The following B3GAT1 variants were observed in gnomAD, a reference collection of about 807,000 sequenced individuals.
The protein encoded by B3GAT1 is beta-1,3-glucuronyltransferase 1.
A neutral mutation model predicts 28.4 loss-of-function variants in B3GAT1; 11 were observed. That is an observed-to-expected ratio of 0.39 (90% CI 0.24 to 0.64). The LOEUF is 0.64. Among genes scored for constraint, B3GAT1 ranks in the 30% least tolerant of loss-of-function variants. B3GAT1 has a pLI of 0.50. For missense variants in B3GAT1, 375 were observed against 491.0 expected, an observed-to-expected ratio of 0.76 and a Z score of 2.23; for synonymous variants, 255 against 223.1, an observed-to-expected ratio of 1.14 and a Z score of -1.27.
intron 1 of B3GAT1, among the ~76,000 whole-genome samples, chr11:134,395,528 A>C (rs1944488532): frequency 6.6e-6 from 1 of 152,070 alleles, no homozygotes; most frequent in Non-Finnish European, 1.5e-5. Flanking sequence ...TGCCTGCGTG[A>C]TAGGGATTAC....
intron 1 of B3GAT1, chr11:134,409,642 G>A (rs1383429001): frequency 2.0e-5 from 3 of 152,358 alleles, no homozygotes; most frequent in African/African-American, 7.2e-5. Flanking sequence ...GCCTCCTGCA[G>A]GGGTGGACAA....
chr11:134,401,767 T>C (rs917431719), intron 1 of B3GAT1, among the ~76,000 whole-genome samples: 6 of 152,002 alleles, frequency 3.9e-5, no homozygotes, highest in African/African-American at 1.5e-4. Context: ...AAAGTAAAAC[T>C]CAGCTGAATC....
In B3GAT1 at chr11:134,378,920, G is replaced by A. The variant is rs1304191440; in HGVS notation, c.*1842C>T. 2.0e-5 allele frequency: 3 copies of A among 152,208 alleles called. No individual in the cohort carries two copies. Among genetic ancestry groups the A allele is most frequent in the African/African-American group, 7.2e-5 (3 of 41,450 alleles). 9.4% of individuals were successfully genotyped at this position (152,208 alleles called of 1,614,324 possible). A position where few individuals can be genotyped will look rare whatever the true frequency, so the allele number is the denominator to read the frequency against. ...TGAACCCTAGGTTTTTGGCTAAGAA[G>A]GTGGCCTCAGACCAGCCAAGCTGAC... is the stretch of plus-strand genomic sequence containing the variant. On this transcript the variant is annotated 3_prime_UTR_variant, in exon 6 of 6. Transcript: ENST00000312527.
At chr11:134,387,141 T>TA in intron 2 of B3GAT1, 3 of 187,264 alleles carry the variant, frequency 1.6e-5, no homozygotes, top group South Asian at 1.3e-4. Context: ...TGCTTCGCCC[T>TA]TCCCTTCCTA....
chr11:134,382,905 C>T lies in B3GAT1; in HGVS notation c.723G>A (p.Trp241Ter). The change falls in exon 4 of 6, where the codon TGG becomes TGA. Residue 241 changes from tryptophan to a stop codon, truncating the protein, a stop_gained. Coordinates refer to ENST00000312527, the MANE Select transcript of B3GAT1 (RefSeq NM_054025.3). LOFTEE classifies it high-confidence loss of function. ...GCCGGTGGGGGTCAAACACCGTCTTCCAGCCGACCACCTTCCCTGCCCCGT... is the reference window on the plus strand; with the variant it reads ...GCCGGTGGGGGTCAAACACCGTCTTTCAGCCGACCACCTTCCCTGCCCCGT... ...RVNGAGKVVG[W>*]KTVFDPHRPF... The T allele has an allele frequency of 6.2e-7, 1 of 1,613,594 alleles. No individual in the cohort carries two copies. The highest frequency in any genetic ancestry group is 8.5e-7 in the Non-Finnish European group (1 of 1,179,790).
At position 134,382,700 on chromosome 11, in the gene B3GAT1, A is replaced by AG. The variant is rs772820151; in HGVS notation, c.918+9dup. The AG allele has an allele frequency of 1.5e-5, 24 of 1,607,766 alleles. No individual in the cohort carries two copies. Among genetic ancestry groups the AG allele is most frequent in the Non-Finnish European group, 2.0e-5 (23 of 1,175,210 alleles). ...TGCATCACAGCTGTCAGTTCTGCGGAGGGTCTCACCTTGGTGCAGTTGGCT... is the reference window on the plus strand; with the variant it reads ...TGCATCACAGCTGTCAGTTCTGCGGAGGGGTCTCACCTTGGTGCAGTTGGCT... On this transcript the variant is annotated intron_variant, in intron 4 of 5. Transcript: ENST00000312527.
At chr11:134,394,702 T>C (rs77478906) in intron 1 of B3GAT1, among the ~76,000 whole-genome samples, 19,054 of 152,292 alleles carry the variant, frequency 0.13, 1,275 homozygotes, top group Non-Finnish European at 0.14. Context: ...CGCTTGGGAC[T>C]GCTGATGGAA....
intron 3 of B3GAT1, 58 bp from the exon 4 acceptor site, chr11:134,383,064 G>A (rs995305132): frequency 2.9e-5 from 42 of 1,469,222 alleles, no homozygotes; most frequent in East Asian, 7.4e-5. Flanking sequence ...ACGGCCGCGC[G>A]TGCCCAAGGG....
chr11:134,387,527 A>G, intron 2 of B3GAT1, 21 bp downstream of exon 2: 2 of 1,612,438 alleles, frequency 1.2e-6, no homozygotes, highest in Non-Finnish European at 8.5e-7. Flanking sequence ...CTGGGCAGGC[A>G]GGGCATGCGT....
rs767171541 is a variant in B3GAT1 at position 134,383,693 on chromosome 11, T to G, written c.608A>C (p.Glu203Ala). The G allele has an allele frequency of 2.7e-5, 42 of 1,580,772 alleles. No homozygotes were observed. The highest frequency in any genetic ancestry group is 3.6e-5 in the Non-Finnish European group (42 of 1,158,826). ...GCCCTCCCTCACCTCTTCGAAGAGCTCCAGGCTGTAGGTGTTGTCGTCGTC... is the reference window on the plus strand; with the variant it reads ...GCCCTCCCTCACCTCTTCGAAGAGCGCCAGGCTGTAGGTGTTGTCGTCGTC... ...FADDDNTYSL[E>A]LFEEMRSTRR... Residue 203 changes from glutamate to alanine, a missense_variant, in exon 3 of 6, where the codon GAG becomes GCG. By Grantham distance (107) the Glu-to-Ala change is moderately radical. Transcript: ENST00000312527.
chr11:134,407,675 A>G (rs1944760989), intron 1 of B3GAT1, among the ~76,000 whole-genome samples: 1 of 152,064 alleles, frequency 6.6e-6, no homozygotes, highest in African/African-American at 2.4e-5. Flanking sequence ...CAGGGAGCGC[A>G]GGCTCATTTT....
At chr11:134,408,157 C>T (rs867359210) in intron 1 of B3GAT1, among the ~76,000 whole-genome samples, 9 of 98,508 alleles carry the variant, frequency 9.1e-5, no homozygotes, top group East Asian at 7.1e-4. Context: ...AGGACTCAAG[C>T]GGGTGAGGAG....
chr11:134,403,998 TATATATATATATATATATATATATATATA>T (rs1258126442), intron 1 of B3GAT1, among the ~76,000 whole-genome samples: 1 of 78,440 alleles, frequency 1.3e-5, no homozygotes, highest in Non-Finnish European at 2.7e-5. Flanking sequence ...TATATATATA[TATATATATATATATATATATATATATATA>T]TATTTATTAT....
At chr11:134,390,498 G>A (rs949632921) in intron 1 of B3GAT1, 1 of 152,286 alleles carries the variant, frequency 6.6e-6, no homozygotes, top group South Asian at 2.1e-4. Flanking sequence ...GAAAGCCAAG[G>A]AGAGAAGATG....
rs1944448935 is a variant in B3GAT1 at position 134,393,474 on chromosome 11, T to C, written c.-281-5534A>G. 6.6e-6 allele frequency among the ~76,000 whole-genome samples: 1 copy of C among 152,190 alleles called. No homozygotes were observed. Among genetic ancestry groups the C allele is most frequent in the South Asian group, 2.1e-4 (1 of 4,824 alleles). On this transcript the variant is annotated intron_variant, in intron 1 of 5. Transcript: ENST00000312527. This position sits in a 1 kb window ranked among gnomAD's most constrained non-coding sequence, Gnocchi z 4.0. ...CGATCTCGTTTTGATTTCTTCAAAG[T>C]GATTCAAGGGCTGAGGAGCACTTGG...
At position 134,380,479 on chromosome 11, in the gene B3GAT1, C is replaced by A. The variant is rs760303195; in HGVS notation, c.*283G>T. ...CAGTGCGGGGAGCTCTGGGGAGGTGCGCTGGAGCACCAGCTTGGCTGGTGC... is the reference window on the plus strand; with the variant it reads ...CAGTGCGGGGAGCTCTGGGGAGGTGAGCTGGAGCACCAGCTTGGCTGGTGC... On this transcript the variant is annotated 3_prime_UTR_variant, in exon 6 of 6. Transcript: ENST00000312527. 1 of 152,562 alleles carries A rather than the reference C, an allele frequency of 6.6e-6. No individual in the cohort carries two copies. Among genetic ancestry groups the A allele is most frequent in the Non-Finnish European group, 1.5e-5 (1 of 68,082 alleles). The allele number at this position is 152,562 out of a possible 1,614,324, so 9.5% of individuals were successfully genotyped here.
At chr11:134,385,137 C>G (rs539416450) in intron 2 of B3GAT1, 1 of 152,140 alleles carries the variant, frequency 6.6e-6, no homozygotes, top group Admixed American at 6.6e-5. Flanking sequence ...TCGAACTTAT[C>G]GAGTTATTAT....
chr11:134,383,815 G>A lies in B3GAT1; in HGVS notation c.486C>T (p.Arg162=), dbSNP rs1277153855. ...TGCGCTGCATGGTGCCCCGCGGGAT[G>A]CGTGGGTCGCGGGCGTCTCCGCGCA... ...YKLRGDARDP[R]IPRGTMQRNL... The change falls in exon 3 of 6, where the codon CGC becomes CGT. Residue 162 remains arginine (R), a synonymous_variant. Transcript: ENST00000312527. 1.3e-6 allele frequency: 2 copies of A among 1,595,978 alleles called. No homozygotes were observed. The highest frequency in any genetic ancestry group is 2.7e-5 in the African/African-American group (2 of 74,606).
intron 1 of B3GAT1, among the ~76,000 whole-genome samples, chr11:134,398,259 C>T (rs1198070812): frequency 6.6e-6 from 1 of 152,212 alleles, no homozygotes; most frequent in Non-Finnish European, 1.5e-5. Context: ...AGCTGGGTAT[C>T]AGTGTTGCTC....
Sources: allele counts gnomAD v4.1 joint callset (sites outside exome capture counted in the v4.1 genomes callset), GRCh38; gene constraint gnomAD v4.1.1; non-coding constraint Gnocchi (gnomAD v3.1); transcripts MANE v1.5; gene names NCBI Gene and HGNC (gene_info 2026-07-23, HGNC 2026-07-21).